DMD: variants seen among roughly 807,000 people sequenced by gnomAD.
DMD encodes the protein dystrophin.
A neutral mutation model predicts 330.1 loss-of-function variants in DMD; 63 were observed. That is an observed-to-expected ratio of 0.19 (90% CI 0.16 to 0.24). The LOEUF (loss-of-function observed/expected upper bound fraction) is 0.24, where lower values mean the gene tolerates loss of function less well. Among genes scored for constraint, DMD ranks in the 10% least tolerant of loss-of-function variants. DMD has a pLI of 1.00. For missense variants in DMD, 3,344 were observed against 2,684.1 expected, an observed-to-expected ratio of 1.25 and a Z score of -5.43; for synonymous variants, 1,223 against 959.8, an observed-to-expected ratio of 1.27 and a Z score of -5.07.
Position 32,260,972 on chromosome X carries a change from T to C in DMD, c.6290+26557A>G, listed in dbSNP as rs1228893210. On this transcript the variant is annotated intron_variant, in intron 43 of 78. Coordinates refer to ENST00000357033, the MANE Select transcript of DMD (RefSeq NM_004006.3). The stretch of plus-strand genomic sequence containing the variant: ...TAAGTGCCAGACTATGAATTCTGGA[T>C]GTTAGCCTCTGGCCTAGGAGGTTAG... Among the ~76,000 whole-genome samples, 3 of 101,436 alleles carry C rather than the reference T, an allele frequency of 3.0e-5. No homozygotes were observed. The East Asian group carries it at 8.5e-4, about 29-fold the overall frequency. The allele number at this position is 101,436 out of a possible 115,157, so 88.1% of individuals were successfully genotyped here.
intron 55 of DMD, among the ~76,000 whole-genome samples, chrX:31,540,429 G>C (rs1014907245): frequency 8.9e-6 from 1 of 112,052 alleles, no homozygotes; most frequent in Non-Finnish European, 1.9e-5. Context: ...GATTTTATGG[G>C]TGTCTAAACA....
At chrX:31,793,963 T>C (rs755190606) in intron 50 of DMD, among the ~76,000 whole-genome samples, 13 of 111,652 alleles carry the variant, frequency 1.2e-4, no homozygotes, top group Non-Finnish European at 2.3e-4. Context: ...CAGGAAGTGC[T>C]AAAAGCTTTA....
At chrX:32,914,283 T>G (rs2087578439) in intron 2 of DMD, among the ~76,000 whole-genome samples, 1 of 111,338 alleles carries the variant, frequency 9.0e-6, no homozygotes, top group Admixed American at 9.6e-5. Flanking sequence ...AGGTACAGAT[T>G]CAGAGTGGAA....
At position 32,527,183 on chromosome X, in the gene DMD, A is replaced by G. The variant is rs761980329; in HGVS notation, c.2169-9052T>C. Among the ~76,000 whole-genome samples the G allele has an allele frequency of 2.7e-5, 3 of 112,124 alleles. No individual in the cohort carries two copies. In the South Asian group the frequency reaches 1.1e-3, roughly 42 times the overall value. On this transcript the variant is annotated intron_variant, in intron 17 of 78. Coordinates refer to ENST00000357033, the MANE Select transcript of DMD (RefSeq NM_004006.3). ...CAGGGTCCCAGGGCTCTAGGCCTAG[A>G]CCAGATAATTTATGAAACCAATTCT...
intron 62 of DMD, among the ~76,000 whole-genome samples, chrX:31,280,265 T>C (rs940080803): frequency 1.8e-5 from 2 of 112,294 alleles, no homozygotes; most frequent in Admixed American, 9.5e-5. Flanking sequence ...AAAACAAGTA[T>C]ACAATTTTTA....
intron 47 of DMD, among the ~76,000 whole-genome samples, chrX:31,898,710 A>G (rs1196095590): frequency 6.2e-5 from 7 of 112,326 alleles, no homozygotes; most frequent in African/African-American, 2.3e-4. Context: ...TTAAGGAATG[A>G]TGGTTTGAGT....
chrX:31,833,314 G>C (rs2093106201), intron 49 of DMD, among the ~76,000 whole-genome samples: 1 of 75,355 alleles, frequency 1.3e-5, no homozygotes, highest in Admixed American at 1.6e-4. Context: ...GAGAGGGAGA[G>C]AGGGAGAGAG....
rs2078409983 is a variant in DMD at position 31,619,567 on chromosome X, C to G, written c.8217+8106G>C. Among the ~76,000 whole-genome samples, 3 of 111,781 alleles carry G rather than the reference C, an allele frequency of 2.7e-5. No homozygotes were observed. In the South Asian group the frequency reaches 1.1e-3, roughly 42 times the overall value. ...TATTTATTCCCTTATAAGATCCTCACAAAAGCTCTGCGAGGAATAAAACAC... is the reference window on the plus strand; with the variant it reads ...TATTTATTCCCTTATAAGATCCTCAGAAAAGCTCTGCGAGGAATAAAACAC... On this transcript the variant is annotated intron_variant, in intron 55 of 78. Coordinates refer to ENST00000357033, the MANE Select transcript of DMD (RefSeq NM_004006.3).
chrX:32,077,116 T>C (rs2096358260), intron 44 of DMD, among the ~76,000 whole-genome samples: 1 of 111,360 alleles, frequency 9.0e-6, no homozygotes, highest in Non-Finnish European at 1.9e-5. Flanking sequence ...ATCTATGGTA[T>C]TAGAAATCAC....
At chrX:31,324,245 A>G (rs1466793496) in intron 61 of DMD, among the ~76,000 whole-genome samples, 1 of 111,494 alleles carries the variant, frequency 9.0e-6, no homozygotes, top group African/African-American at 3.3e-5. Flanking sequence ...AAGGTGACCA[A>G]AAGTGAGGGA....
chrX:31,654,886 T>C (rs113743650), intron 54 of DMD, among the ~76,000 whole-genome samples: 2,139 of 109,451 alleles, frequency 0.02, 61 homozygotes, highest in African/African-American at 0.067. Flanking sequence ...GTAACAAACC[T>C]GCACATGTAC....
In DMD at chrX:31,182,878, C is replaced by T. The variant is rs749726519; in HGVS notation, c.9834G>A (p.Ala3278=). The T allele has an allele frequency of 7.5e-6, 9 of 1,205,758 alleles. No individual in the cohort carries two copies. In the South Asian group the frequency reaches 1.6e-4, roughly 21 times the overall value. ...GTCTCATCCAGTCTAGGAAGAGGGC[C>T]GCTTCGATCTCTGGCTTATTATTAG... is the stretch of plus-strand genomic sequence containing the variant. ...QFANNKPEIE[A]ALFLDWMRLE... Residue 3278 remains alanine (A), a synonymous_variant, in exon 68 of 79, where the codon GCG becomes GCA. Coordinates refer to ENST00000357033, the MANE Select transcript of DMD (RefSeq NM_004006.3).
intron 55 of DMD, among the ~76,000 whole-genome samples, chrX:31,585,658 T>A (rs749845389): frequency 9.0e-6 from 1 of 110,828 alleles, no homozygotes; most frequent in East Asian, 2.8e-4. Flanking sequence ...CTGGCAAAAA[T>A]AAAACAAAAT....
intron 43 of DMD, among the ~76,000 whole-genome samples, chrX:32,230,467 G>C (rs901907486): frequency 9.0e-6 from 1 of 111,201 alleles, no homozygotes; most frequent in African/African-American, 3.3e-5. Flanking sequence ...GGACGGTCTC[G>C]ATCTCCTGAC....
intron 2 of DMD, among the ~76,000 whole-genome samples, chrX:32,945,630 G>C (rs1017260773): frequency 1.8e-5 from 2 of 111,504 alleles, no homozygotes; most frequent in Non-Finnish European, 3.8e-5. Flanking sequence ...TGATCACAGA[G>C]TTGGCTCTTG....
intron 17 of DMD, among the ~76,000 whole-genome samples, chrX:32,537,294 A>G (rs1256839321): frequency 8.9e-6 from 1 of 111,858 alleles, no homozygotes; most frequent in Non-Finnish European, 1.9e-5. Context: ...GGAGAGGTAG[A>G]AATATCAATT....
intron 55 of DMD, among the ~76,000 whole-genome samples, chrX:31,589,092 T>C: frequency 1.1e-5 from 1 of 88,856 alleles, no homozygotes; most frequent in Admixed American, 1.3e-4. Flanking sequence ...ACCATTGTCA[T>C]GCAAGTAAAA....
chrX:32,859,924 C>T (rs999027382), intron 2 of DMD, among the ~76,000 whole-genome samples: 8 of 111,595 alleles, frequency 7.2e-5, no homozygotes, highest in African/African-American at 1.3e-4. Flanking sequence ...GACCCTGTAG[C>T]TCTCTGTCTT....
intron 9 of DMD, among the ~76,000 whole-genome samples, chrX:32,663,244 T>G (rs777911146): frequency 9.0e-6 from 1 of 111,441 alleles, no homozygotes; most frequent in Non-Finnish European, 1.9e-5. Context: ...TAAGGCTCTT[T>G]TAGTATCTAC....
Sources: allele counts gnomAD v4.1 joint callset (sites outside exome capture counted in the v4.1 genomes callset), GRCh38; gene constraint gnomAD v4.1.1; transcripts MANE v1.5; gene names NCBI Gene and HGNC (gene_info 2026-07-23, HGNC 2026-07-21).